The following MTUS2 variants were observed in gnomAD, a reference collection of about 807,000 sequenced individuals.
MTUS2 encodes the protein microtubule-associated tumor suppressor candidate 2.
MTUS2 carries 40 observed loss-of-function variants against 114.1 expected under a neutral mutation model. The observed-to-expected ratio is 0.35, with a 90% CI of 0.27 to 0.46. The LOEUF is 0.46. MTUS2 is among the 20% of genes least tolerant of loss of function. The pLI, the probability that MTUS2 is intolerant of heterozygous loss-of-function variation, is 1.00. For synonymous variants in MTUS2, 688 were observed against 672.0 expected, an observed-to-expected ratio of 1.02 and a Z score of -0.37; for missense variants, 1,679 against 1,705.4, an observed-to-expected ratio of 0.98 and a Z score of 0.27.
At chr13:29,107,770 T>G (rs1310637926) in intron 5 of MTUS2, among the ~76,000 whole-genome samples, 2 of 152,194 alleles carry the variant, frequency 1.3e-5, no homozygotes, top group Non-Finnish European at 2.9e-5. Flanking sequence ...GTTTCCAAAC[T>G]TAGATGTCTC....
At chr13:29,359,199 G>A (rs766106078) in intron 7 of MTUS2, 63 bp from the exon 8 acceptor site, 77 of 1,419,456 alleles carry the variant, frequency 5.4e-5, no homozygotes, top group Middle Eastern at 1.8e-4. Context: ...ATAAGAAGCC[G>A]TTGTCACATG....
chr13:29,267,749 A>G (rs1897721098), intron 5 of MTUS2, among the ~76,000 whole-genome samples: 1 of 152,036 alleles, frequency 6.6e-6, no homozygotes, highest in Non-Finnish European at 1.5e-5. Context: ...GGTGTAGGAA[A>G]AGAAAAGAAA....
chr13:29,313,596 A>G (rs1157864171), intron 6 of MTUS2, among the ~76,000 whole-genome samples: 1 of 152,192 alleles, frequency 6.6e-6, no homozygotes, highest in East Asian at 1.9e-4. Context: ...GAACACAAAT[A>G]TTAGGAGTTC....
At chr13:28,994,368 G>T (rs1307089009) in intron 2 of MTUS2, among the ~76,000 whole-genome samples, 1 of 152,194 alleles carries the variant, frequency 6.6e-6, no homozygotes, top group African/African-American at 2.4e-5. Flanking sequence ...ACATACGTGT[G>T]CATGCGTCTT....
intron 8 of MTUS2, among the ~76,000 whole-genome samples, chr13:29,411,503 T>C (rs1447860764): frequency 2.6e-5 from 4 of 152,218 alleles, no homozygotes; most frequent in Non-Finnish European, 2.9e-5. Flanking sequence ...GTCTGATAGA[T>C]CTAGACCCTC....
At chr13:29,497,590 G>T in intron 13 of MTUS2, 1 of 525,478 alleles carries the variant, frequency 1.9e-6, no homozygotes, top group Non-Finnish European at 3.4e-6. Context: ...AGCTGGAGTC[G>T]TGGGGCTCCT....
intron 4 of MTUS2, among the ~76,000 whole-genome samples, chr13:29,046,826 C>T (rs4769669): frequency 0.95 from 144,563 of 152,142 alleles, 68,808 homozygotes; most frequent in Non-Finnish European, 0.98. Flanking sequence ...TTTCCTTATT[C>T]GGAAAGAGGA....
rs147174834 is a variant in MTUS2 at position 29,287,760 on chromosome 13, A to C, written c.2806+5895A>C. ...TTCTTCCTATTCCAGACCAAAGCACATTGAATAGTTTCTCCAGACTTACCA... is the reference window on the plus strand; with the variant it reads ...TTCTTCCTATTCCAGACCAAAGCACCTTGAATAGTTTCTCCAGACTTACCA... On this transcript the variant is annotated intron_variant, in intron 6 of 15. Coordinates refer to ENST00000612955, the MANE Select transcript of MTUS2 (RefSeq NM_001033602.4). Among the ~76,000 whole-genome samples the C allele has an allele frequency of 7.2e-5, 11 of 152,342 alleles. No homozygotes were observed. In the East Asian group the frequency reaches 2.1e-3, roughly 29 times the overall value.
At chr13:29,329,001 A>C (rs187055787) in intron 7 of MTUS2, among the ~76,000 whole-genome samples, 1 of 152,142 alleles carries the variant, frequency 6.6e-6, no homozygotes, top group African/African-American at 2.4e-5. Context: ...AGGCCCTTAG[A>C]TAGGAATTTG....
chr13:28,969,546 A>G (rs894358075), intron 2 of MTUS2, among the ~76,000 whole-genome samples: 7 of 152,098 alleles, frequency 4.6e-5, no homozygotes, highest in African/African-American at 1.7e-4. Context: ...TCTGTCACCC[A>G]GGCTGGAGTG....
intron 5 of MTUS2, among the ~76,000 whole-genome samples, chr13:29,203,485 C>T (rs7331087): frequency 0.011 from 1,665 of 151,602 alleles, 27 homozygotes; most frequent in African/African-American, 0.039. Context: ...GACCACTTGG[C>T]TCCCTGGCTT....
chr13:29,355,123 A>C (rs933451853), intron 7 of MTUS2, among the ~76,000 whole-genome samples: 7 of 152,252 alleles, frequency 4.6e-5, no homozygotes, highest in African/African-American at 1.4e-4. Context: ...TTCATCCATT[A>C]CAATCCTCTG....
At chr13:28,999,890 G>A (rs189263223) in intron 2 of MTUS2, among the ~76,000 whole-genome samples, 72 of 152,200 alleles carry the variant, frequency 4.7e-4, no homozygotes, top group Non-Finnish European at 7.4e-5. Context: ...TTATGTGTTT[G>A]GCTTACTTCA....
At chr13:28,953,406 G>C (rs747714571) in intron 2 of MTUS2, among the ~76,000 whole-genome samples, 2 of 152,154 alleles carry the variant, frequency 1.3e-5, no homozygotes, top group Non-Finnish European at 2.9e-5. Context: ...CTACTTGGGA[G>C]ACTGAGAATG....
At position 29,159,847 on chromosome 13, in the gene MTUS2, C is replaced by T. The variant is rs143485980; in HGVS notation, c.2644+58877C>T. 9.6e-4 allele frequency among the ~76,000 whole-genome samples: 146 copies of T among 152,276 alleles called. 1 individual carries two copies. The highest frequency in any genetic ancestry group is 3.3e-3 in the African/African-American group (138 of 41,576). Reference sequence around the variant, plus strand: ...AATAGAAAATAGCGACATCACCAAACGCAGGTGAGAATGTGGAAAAACTAG... The same window carrying T: ...AATAGAAAATAGCGACATCACCAAATGCAGGTGAGAATGTGGAAAAACTAG... On this transcript the variant is annotated intron_variant, in intron 5 of 15. Transcript: ENST00000612955.
At chr13:29,060,228 G>T (rs1438513619) in intron 4 of MTUS2, among the ~76,000 whole-genome samples, 1 of 152,178 alleles carries the variant, frequency 6.6e-6, no homozygotes, top group Non-Finnish European at 1.5e-5. Context: ...GCTTGTGGTG[G>T]TCCCCTTGGA....
intron 2 of MTUS2, among the ~76,000 whole-genome samples, chr13:28,883,881 G>T (rs1878436777): frequency 6.6e-6 from 1 of 152,152 alleles, no homozygotes; most frequent in Non-Finnish European, 1.5e-5. Flanking sequence ...AGGGAAGTTA[G>T]GGAAATAAAA....
intron 2 of MTUS2, among the ~76,000 whole-genome samples, chr13:29,020,289 T>C (rs1886239310): frequency 6.6e-6 from 1 of 152,222 alleles, no homozygotes; most frequent in Non-Finnish European, 1.5e-5. Flanking sequence ...GCACCTCAAC[T>C]AGGGGTTTGT....
intron 5 of MTUS2, among the ~76,000 whole-genome samples, chr13:29,204,299 C>G (rs940908898): frequency 6.6e-6 from 1 of 152,172 alleles, no homozygotes; most frequent in Non-Finnish European, 1.5e-5. Context: ...GCCAGCCACC[C>G]TACCTTTTCT....
Sources: gnomAD v4.1 joint callset for allele counts (sites outside exome capture counted in the v4.1 genomes callset) on GRCh38, gnomAD v4.1.1 for gene constraint, MANE v1.5 for transcripts, NCBI Gene and HGNC (gene_info 2026-07-23, HGNC 2026-07-21) for gene names.